The following EXOC4 variants were observed in gnomAD, a reference collection of about 807,000 sequenced individuals.
EXOC4 encodes the protein SEC8-like 1.
Under a neutral mutation model 107.2 loss-of-function variants are expected in EXOC4, and 71 were observed. The observed-to-expected ratio is 0.66, with a 90% CI of 0.55 to 0.81. The LOEUF (loss-of-function observed/expected upper bound fraction) is 0.81, where lower values mean the gene tolerates loss of function less well. Ranked by LOEUF, EXOC4 falls within the 30% of genes least tolerant of loss-of-function variation. The probability of loss-of-function intolerance (pLI) is 0.00; values close to 1 mark genes in which losing one functional copy is unlikely to be tolerated. For synonymous variants in EXOC4, 456 were observed against 441.2 expected, an observed-to-expected ratio of 1.03 and a Z score of -0.42; for missense variants, 1,108 against 1,189.6, an observed-to-expected ratio of 0.93 and a Z score of 1.01.
rs1799841414 is a variant in EXOC4 at position 133,917,676 on chromosome 7, G to A, written c.1965G>A (p.Trp655Ter). 6.2e-7 allele frequency: 1 copy of A among 1,614,090 alleles called. No individual in the cohort carries two copies. The highest frequency in any genetic ancestry group is 1.6e-4 in the Middle Eastern group (1 of 6,062). ...GACTCTTGAAATCTCTACCAAACTG[G>A]ATGAATATGGCTCAACCCAAACAGC... The part of the protein sequence containing the change: ...ISRLLKSLPN[W>*]MNMAQPKQLR... The change falls in exon 13 of 18, where the codon TGG becomes TGA. Residue 655 changes from tryptophan (W) to a stop codon, truncating the protein, a stop_gained. Transcript: ENST00000253861. LOFTEE classifies it high-confidence loss of function.
In EXOC4 at chr7:133,893,556, G is replaced by A. The variant is rs530119143; in HGVS notation, c.1735-2043G>A. Among the ~76,000 whole-genome samples, 27 of 66,134 alleles carry A rather than the reference G, an allele frequency of 4.1e-4. 6 individuals carry two copies. In the East Asian group the frequency reaches 8.1e-3, roughly 20 times the overall value. 43.4% of individuals were successfully genotyped at this position (66,134 alleles called of 152,430 possible). On this transcript the variant is annotated intron_variant, in intron 11 of 17. Coordinates refer to ENST00000253861, the MANE Select transcript of EXOC4 (RefSeq NM_021807.4). Reference sequence around the variant, plus strand: ...TTACATTTTGGCATGATTTTGCAGCGGCTGGTACCGGTTGTTCCTTTCCAT... The same window carrying A: ...TTACATTTTGGCATGATTTTGCAGCAGCTGGTACCGGTTGTTCCTTTCCAT...
At chr7:134,027,962 C>T (rs1190714189) in intron 17 of EXOC4, among the ~76,000 whole-genome samples, 1 of 152,180 alleles carries the variant, frequency 6.6e-6, no homozygotes, top group East Asian at 1.9e-4. Context: ...TTCTGGGCTC[C>T]CTCCTGGAGC....
intron 10 of EXOC4, among the ~76,000 whole-genome samples, chr7:133,751,807 G>A (rs374368893): frequency 4.6e-5 from 7 of 151,342 alleles, no homozygotes; most frequent in African/African-American, 7.3e-5. Context: ...CACTTGGAAC[G>A]GCTACTCTAT....
chr7:133,277,674 T>G (rs959275888), intron 2 of EXOC4, among the ~76,000 whole-genome samples: 2 of 152,222 alleles, frequency 1.3e-5, no homozygotes, highest in Admixed American at 6.5e-5. Flanking sequence ...CATATTATTC[T>G]GGGTTATGAA....
At chr7:133,669,568 A>G (rs951307792) in intron 10 of EXOC4, among the ~76,000 whole-genome samples, 10 of 95,802 alleles carry the variant, frequency 1.0e-4, no homozygotes, top group Non-Finnish European at 2.1e-4. Context: ...ACAGCAGTGA[A>G]TAAAGAACTA....
At chr7:134,044,734 C>T (rs1279943185) in intron 17 of EXOC4, among the ~76,000 whole-genome samples, 2 of 152,224 alleles carry the variant, frequency 1.3e-5, no homozygotes, top group Non-Finnish European at 1.5e-5. Context: ...GTTTCCAGCT[C>T]CCCCGATCCA....
chr7:133,851,323 A>C (rs1798235556), intron 11 of EXOC4, among the ~76,000 whole-genome samples: 2 of 152,188 alleles, frequency 1.3e-5, no homozygotes, highest in African/African-American at 4.8e-5. Context: ...TATGATAGAA[A>C]ATATTTGCAG....
rs140294211 is a variant in EXOC4, at chr7:133,869,000, A to G, written c.1735-26599A>G. Among the ~76,000 whole-genome samples the G allele has an allele frequency of 4.1e-3, 630 of 151,858 alleles. 4 individuals are homozygous for G. The highest frequency in any genetic ancestry group is 6.8e-3 in the Middle Eastern group (2 of 294). ...CCTCTCCCAGCAGGCACCTGGAGGA[A>G]TATGGAACACCCGCCCCCGCCCTTC... On this transcript the variant is annotated intron_variant, in intron 11 of 17. Coordinates refer to ENST00000253861, the MANE Select transcript of EXOC4 (RefSeq NM_021807.4).
intron 7 of EXOC4, among the ~76,000 whole-genome samples, chr7:133,427,308 T>C (rs935208081): frequency 9.2e-5 from 14 of 152,192 alleles, no homozygotes; most frequent in Non-Finnish European, 1.6e-4. Context: ...ACTAGGTTAC[T>C]ATTTTATTTG....
intron 15 of EXOC4, among the ~76,000 whole-genome samples, chr7:134,002,788 T>C (rs555146495): frequency 7.7e-4 from 117 of 152,228 alleles, no homozygotes; most frequent in Middle Eastern, 6.8e-3. Context: ...TCTATTAGGA[T>C]GACCAAAAAT....
chr7:133,833,260 G>T (rs1400787090), intron 11 of EXOC4, among the ~76,000 whole-genome samples: 1 of 144,592 alleles, frequency 6.9e-6, no homozygotes, highest in Non-Finnish European at 1.5e-5. Flanking sequence ...AAAAAAAAAA[G>T]GCCTAGGGAT....
At chr7:133,406,297 G>A (rs1011046999) in intron 7 of EXOC4, among the ~76,000 whole-genome samples, 2 of 152,124 alleles carry the variant, frequency 1.3e-5, no homozygotes, top group Non-Finnish European at 2.9e-5. Flanking sequence ...GGCGATTGTG[G>A]AATACCTTAC....
intron 5 of EXOC4, among the ~76,000 whole-genome samples, chr7:133,338,649 A>T (rs190182688): frequency 6.7e-6 from 1 of 149,960 alleles, no homozygotes; most frequent in South Asian, 2.1e-4. Context: ...TTTTTGGGGA[A>T]CAGGTGGTAT....
intron 9 of EXOC4, among the ~76,000 whole-genome samples, chr7:133,590,826 C>T (rs1214064164): frequency 6.6e-6 from 1 of 152,190 alleles, no homozygotes; most frequent in African/African-American, 2.4e-5. Flanking sequence ...GGATGCCAAA[C>T]GAGACCTTGG....
At chr7:133,400,598 T>C (rs147728158) in intron 7 of EXOC4, among the ~76,000 whole-genome samples, 2 of 152,352 alleles carry the variant, frequency 1.3e-5, no homozygotes, top group African/African-American at 4.8e-5. Flanking sequence ...ATCTAGTTTA[T>C]AGTTTTTCGT....
intron 5 of EXOC4, among the ~76,000 whole-genome samples, chr7:133,352,002 T>C (rs1396805340): frequency 6.6e-6 from 1 of 152,056 alleles, no homozygotes; most frequent in Non-Finnish European, 1.5e-5. Context: ...TTAACTTTGT[T>C]ATTGATTTCT....
chr7:133,604,713 T>TCCTTCCTTCCTTCCTTCCTTCCTTCC (rs1474575504), intron 9 of EXOC4, among the ~76,000 whole-genome samples: 3 of 56,550 alleles, frequency 5.3e-5, no homozygotes, highest in Admixed American at 2.5e-4. Flanking sequence ...CTTCTTTCTT[T>TCCTTCCTTCCTTCCTTCCTTCCTTCC]TTTTTTTTTT....
At chr7:133,884,581 CTGTGTGTGTGTGTGTGTGTGTGTG>C (rs34350149) in intron 11 of EXOC4, among the ~76,000 whole-genome samples, 2 of 143,632 alleles carry the variant, frequency 1.4e-5, no homozygotes, top group Non-Finnish European at 3.0e-5. Context: ...GCCCTATGCT[CTGTGTGTGTGTGTGTGTGTGTGTG>C]TGTGTGTGTG....
chr7:133,614,560 C>G (rs1223411902), intron 9 of EXOC4, among the ~76,000 whole-genome samples: 1 of 151,940 alleles, frequency 6.6e-6, no homozygotes, highest in Non-Finnish European at 1.5e-5. Context: ...ACATGGTACT[C>G]TATGAAAAGG....
Sources: allele counts gnomAD v4.1 joint callset (sites outside exome capture counted in the v4.1 genomes callset), GRCh38; gene constraint gnomAD v4.1.1; transcripts MANE v1.5; gene names NCBI Gene and HGNC (gene_info 2026-07-23, HGNC 2026-07-21).